MAST2: variants seen among roughly 807,000 people sequenced by gnomAD.
MAST2 encodes microtubule-associated serine/threonine-protein kinase 2.
Under a neutral mutation model 147.4 loss-of-function variants are expected in MAST2, and 70 were observed. The ratio of observed to expected loss-of-function variants is 0.47; its 90% confidence interval spans 0.39 to 0.58. The LOEUF (loss-of-function observed/expected upper bound fraction) is 0.58, where lower values mean the gene tolerates loss of function less well. MAST2 is among the 20% of genes least tolerant of loss of function. The pLI is 0.00. For synonymous variants in MAST2, 869 were observed against 896.8 expected (o/e 0.97, Z 0.55); for missense variants, 2,080 against 2,302.3 (o/e 0.90, Z 1.98).
chr1:45,815,426 TC>T (rs1255108623), intron 1 of MAST2, among the ~76,000 whole-genome samples: 1 of 152,198 alleles, frequency 6.6e-6, no homozygotes, highest in African/African-American at 2.4e-5. Flanking sequence ...CTCCTCAGCC[TC>T]CCTAAGTGCT....
chr1:46,014,411 T>C (rs1360048746), intron 10 of MAST2, among the ~76,000 whole-genome samples: 5 of 145,300 alleles, frequency 3.4e-5, no homozygotes, highest in African/African-American at 1.3e-4. Context: ...CACCTATGAG[T>C]GAGAATATGC....
At position 45,824,520 on chromosome 1, in the gene MAST2, C is replaced by T. The variant is rs770765705; in HGVS notation, c.265C>T (p.Arg89Ter). 3.1e-6 allele frequency: 5 copies of T among 1,611,484 alleles called. No individual in the cohort carries two copies. The highest frequency in any genetic ancestry group is 1.7e-5 in the Admixed American group (1 of 59,842). Residue 89 changes from arginine to a stop codon, truncating the protein, a stop_gained, in exon 2 of 29, where the codon CGA becomes TGA. Transcript: ENST00000361297. LOFTEE classifies it high-confidence loss of function. ...ATCCACTGGAAAAGTTAAACTTCAG[C>T]GACAACTGAGTCAGGATGATTGTAA... is the stretch of plus-strand genomic sequence containing the variant. ...FSSTGKVKLQ[R>*]QLSQDDCKLW...
intron 5 of MAST2, among the ~76,000 whole-genome samples, chr1:45,979,088 A>G (rs1397606211): frequency 6.6e-6 from 1 of 152,232 alleles, no homozygotes; most frequent in African/African-American, 2.4e-5. Flanking sequence ...TGGTAAAGCT[A>G]TAAGGAAATG....
rs1482059880 is a variant in MAST2, at chr1:46,035,077, C to T, written c.4408C>T (p.Leu1470=). 6.2e-7 allele frequency: 1 copy of T among 1,613,686 alleles called. No homozygotes were observed. Among genetic ancestry groups the T allele is most frequent in the Non-Finnish European group, 8.5e-7 (1 of 1,179,956 alleles). The change falls in exon 29 of 29, where the codon CTG becomes TTG. Residue 1470 remains leucine, a synonymous_variant. Transcript: ENST00000361297. The surrounding 1 kb of genome is among the most constrained non-coding windows in gnomAD (Gnocchi z 5.5). ...GKGALPGKGV[L]QPAPSRALGT... is the part of the protein sequence containing the mutation. ...GGGGGCCCTGCCAGGGAAGGGGGTG[C>T]TGCAGCCTGCTCCCTCACGGGCCCT... is the stretch of plus-strand genomic sequence containing the variant.
At chr1:45,898,045 G>T (rs1033636304) in intron 4 of MAST2, among the ~76,000 whole-genome samples, 7 of 152,112 alleles carry the variant, frequency 4.6e-5, no homozygotes, top group Admixed American at 4.6e-4. Flanking sequence ...GGAGGTGGAG[G>T]TTGCAGGGAG....
intron 26 of MAST2, 28 bp downstream of exon 26, chr1:46,032,746 G>A: frequency 1.9e-6 from 3 of 1,601,146 alleles, no homozygotes; most frequent in Admixed American, 1.7e-5. Context: ...TGCCTGCATG[G>A]TCCCTGAATG....
chr1:45,853,284 A>G (rs1645680034), intron 3 of MAST2, among the ~76,000 whole-genome samples: 1 of 151,690 alleles, frequency 6.6e-6, no homozygotes, highest in Non-Finnish European at 1.5e-5. Flanking sequence ...CTTGTTGGAT[A>G]TGTGGTTTGC....
In MAST2 at chr1:46,035,649, C is replaced by T. The variant is rs1330462762; in HGVS notation, c.4980C>T (p.Ser1660=). 2.5e-6 allele frequency: 4 copies of T among 1,613,920 alleles called. No individual in the cohort carries two copies. Among genetic ancestry groups the T allele is most frequent in the Non-Finnish European group, 3.4e-6 (4 of 1,180,010 alleles). Residue 1660 remains serine, a synonymous_variant, in exon 29 of 29, where the codon TCC becomes TCT. Coordinates refer to ENST00000361297, the MANE Select transcript of MAST2 (RefSeq NM_015112.3). The surrounding 1 kb of genome is among the most constrained non-coding windows in gnomAD (Gnocchi z 5.5). ...AGCTGAGCATGTGGTCCTGGAAATCCCTTATTGAGGGCCCAGACAGGGCAT... is the reference window on the plus strand; with the variant it reads ...AGCTGAGCATGTGGTCCTGGAAATCTCTTATTGAGGGCCCAGACAGGGCAT... The part of the protein sequence containing the change: ...SGKLSMWSWK[S]LIEGPDRASP...
chr1:45,997,789 C>G lies in MAST2; in HGVS notation c.658C>G (p.Pro220Ala). The G allele has an allele frequency of 6.2e-7, 1 of 1,614,050 alleles. No homozygotes were observed. The highest frequency in any genetic ancestry group is 8.5e-7 in the Non-Finnish European group (1 of 1,179,944). The part of the protein sequence containing the change: ...PNAPAHFSFV[P>A]ARRTDGRRWS... ...TGCACCTGCTCACTTTTCTTTTGTT[C>G]CTGCCCGTAGGTAAGTTGATAGGAA... The change falls in exon 6 of 29, where the codon CCT becomes GCT. Residue 220 changes from proline to alanine, a missense_variant. Around this residue, in one of 4 missense-constraint regions of MAST2, gnomAD observed 569 missense variants for 642.5 expected, o/e 0.89. Transcript: ENST00000361297.
At chr1:45,868,366 G>A (rs1466360064) in intron 3 of MAST2, among the ~76,000 whole-genome samples, 1 of 152,148 alleles carries the variant, frequency 6.6e-6, no homozygotes, top group Non-Finnish European at 1.5e-5. Flanking sequence ...AACTCTCTTA[G>A]TGCCATAATT....
intron 5 of MAST2, among the ~76,000 whole-genome samples, chr1:45,985,710 T>C (rs1015555129): frequency 7.2e-5 from 11 of 152,210 alleles, no homozygotes; most frequent in South Asian, 2.1e-4. Flanking sequence ...TAGGAGTGAA[T>C]TGACTTCTTA....
In MAST2 at chr1:46,028,924, G is replaced by A. The variant is rs1294954795; in HGVS notation, c.2209G>A (p.Val737Met). The change falls in exon 18 of 29, where the codon GTG (valine) becomes ATG (methionine). Residue 737 changes from valine to methionine, a missense_variant. Around this residue, in one of 4 missense-constraint regions of MAST2, gnomAD observed 209 missense variants for 309.5 expected, o/e 0.68. Transcript: ENST00000361297. ...GDTPEELFGQ[V>M]ISDEIVWPEG... Reference sequence around the variant, plus strand: ...TACTCCGGAGGAGCTCTTTGGGCAGGTGATCAGTGGTAGGTACTATGCCCC... The same window carrying A: ...TACTCCGGAGGAGCTCTTTGGGCAGATGATCAGTGGTAGGTACTATGCCCC... 1.3e-6 allele frequency: 2 copies of A among 1,592,934 alleles called. No homozygotes were observed. Among genetic ancestry groups the A allele is most frequent in the Non-Finnish European group, 1.7e-6 (2 of 1,170,626 alleles).
At chr1:45,964,905 T>A (rs1419109617) in intron 5 of MAST2, among the ~76,000 whole-genome samples, 1 of 152,208 alleles carries the variant, frequency 6.6e-6, no homozygotes, top group South Asian at 2.1e-4. Flanking sequence ...TCCCAGAGAT[T>A]CTGGTATGTT....
At chr1:45,965,236 C>T (rs1237370101) in intron 5 of MAST2, among the ~76,000 whole-genome samples, 2 of 152,068 alleles carry the variant, frequency 1.3e-5, no homozygotes, top group Non-Finnish European at 2.9e-5. Flanking sequence ...CTATTAGGTC[C>T]ACTTGGTGCA....
chr1:45,812,424 C>T (rs1423706805), intron 1 of MAST2, among the ~76,000 whole-genome samples: 1 of 140,928 alleles, frequency 7.1e-6, no homozygotes, highest in Non-Finnish European at 1.5e-5. Context: ...AATCTGTAAG[C>T]CTTTTTTTTT....
chr1:45,941,878 A>C (rs1419716074), intron 4 of MAST2, among the ~76,000 whole-genome samples: 2 of 152,136 alleles, frequency 1.3e-5, no homozygotes, highest in Non-Finnish European at 2.9e-5. Flanking sequence ...ATATATTGTA[A>C]CACAATTATG....
At chr1:46,024,342 A>C in intron 15 of MAST2, 1 of 266,972 alleles carries the variant, frequency 3.7e-6, no homozygotes. Flanking sequence ...CCTCAGAAGA[A>C]AGGAAAGCCA....
chr1:45,982,832 G>A (rs947474806), intron 5 of MAST2, among the ~76,000 whole-genome samples: 9 of 152,162 alleles, frequency 5.9e-5, no homozygotes, highest in African/African-American at 1.4e-4. Flanking sequence ...GTCTTGTTGA[G>A]GACTTTGCTC....
intron 4 of MAST2, among the ~76,000 whole-genome samples, chr1:45,934,186 C>G (rs755025416): frequency 6.6e-6 from 1 of 152,066 alleles, no homozygotes; most frequent in Non-Finnish European, 1.5e-5. Flanking sequence ...TTTTCTGTTC[C>G]TGCATTAATT....
Sources: gnomAD v4.1 joint callset for allele counts (sites outside exome capture counted in the v4.1 genomes callset) on GRCh38, gnomAD v4.1.1 for gene constraint, gnomAD v4.1.1 regional missense constraint, Gnocchi (gnomAD v3.1) non-coding constraint, MANE v1.5 for transcripts, NCBI Gene and HGNC (gene_info 2026-07-23, HGNC 2026-07-21) for gene names.